OR2L13: variants seen among roughly 807,000 people sequenced by gnomAD.
OR2L13 encodes olfactory receptor family 2 subfamily L member 13.
OR2L13 carries 14 observed loss-of-function variants against 15.3 expected under a neutral mutation model. The ratio of observed to expected loss-of-function variants is 0.91; its 90% CI spans 0.60 to 1.43. The LOEUF (loss-of-function observed/expected upper bound fraction) is 1.43. Ranked by LOEUF, OR2L13 falls within the 40% of genes most tolerant of loss-of-function variation. The probability of loss-of-function intolerance (pLI) is 0.00; values close to 1 mark genes in which losing one functional copy is unlikely to be tolerated. For missense variants in OR2L13, 367 were observed against 387.9 expected (o/e 0.95, Z 0.45); for synonymous variants, 152 against 142.9 (o/e 1.06, Z -0.45).
the OR2L13 span, among the ~76,000 whole-genome samples, chr1:248,058,165 G>C: frequency 6.6e-6 from 1 of 152,104 alleles, no homozygotes; most frequent in Non-Finnish European, 1.5e-5. Context: ...CATAGACATG[G>C]TCTCAGCAGA....
chr1:248,030,755 T>C, the OR2L13 span, among the ~76,000 whole-genome samples: 1 of 152,162 alleles, frequency 6.6e-6, no homozygotes, highest in Non-Finnish European at 1.5e-5. Context: ...GGTGGTGATG[T>C]CAATGTAAAG....
the OR2L13 span, among the ~76,000 whole-genome samples, chr1:247,984,995 C>T: frequency 9.3e-4 from 142 of 152,266 alleles, no homozygotes; most frequent in African/African-American, 3.3e-3. Context: ...TTTGCCTCTT[C>T]ATGGCTTATT....
the OR2L13 span, among the ~76,000 whole-genome samples, chr1:248,020,890 TG>T: frequency 2.6e-5 from 4 of 151,446 alleles, no homozygotes; most frequent in Non-Finnish European, 4.4e-5. Flanking sequence ...TATGTATATA[TG>T]GGACCAACAT....
At chr1:247,958,975 T>A in the OR2L13 span, among the ~76,000 whole-genome samples, 1 of 152,194 alleles carries the variant, frequency 6.6e-6, no homozygotes, top group East Asian at 1.9e-4. Context: ...GTGAATTTGA[T>A]CCTGTCATTA....
chr1:247,956,800 T>G, the OR2L13 span, among the ~76,000 whole-genome samples: 2 of 152,302 alleles, frequency 1.3e-5, no homozygotes, highest in African/African-American at 4.8e-5. Context: ...ATTTTGTATC[T>G]TGAGACTGTG....
At chr1:248,080,211 T>G in the OR2L13 span, among the ~76,000 whole-genome samples, 1 of 152,330 alleles carries the variant, frequency 6.6e-6, no homozygotes, top group East Asian at 1.9e-4. Context: ...TAAATCTGTA[T>G]TAATGTAAAT....
At chr1:247,988,793 C>T in the OR2L13 span, among the ~76,000 whole-genome samples, 1 of 152,122 alleles carries the variant, frequency 6.6e-6, no homozygotes, top group African/African-American at 2.4e-5. Context: ...TCCTTTTTTC[C>T]ATTTAAGTGA....
chr1:247,982,946 T>C, the OR2L13 span, among the ~76,000 whole-genome samples: 1 of 152,132 alleles, frequency 6.6e-6, no homozygotes, highest in African/African-American at 2.4e-5. Context: ...TCAGACTTAC[T>C]GCCTAAAAAT....
chr1:247,974,283 A>G, the OR2L13 span, among the ~76,000 whole-genome samples: 1 of 152,102 alleles, frequency 6.6e-6, no homozygotes, highest in Non-Finnish European at 1.5e-5. Flanking sequence ...GGGGGCCAAG[A>G]GGAGGGATAG....
chr1:248,000,364 C>T, the OR2L13 span, among the ~76,000 whole-genome samples: 1 of 152,240 alleles, frequency 6.6e-6, no homozygotes, highest in East Asian at 1.9e-4. Flanking sequence ...GAGTAACTCT[C>T]TTCAAATCCT....
the OR2L13 span, among the ~76,000 whole-genome samples, chr1:248,012,709 A>G: frequency 1.3e-5 from 2 of 152,140 alleles, no homozygotes; most frequent in African/African-American, 2.4e-5. Context: ...AATATACACT[A>G]CCTACCCTGA....
the OR2L13 span, among the ~76,000 whole-genome samples, chr1:247,968,972 G>C: frequency 3.3e-5 from 5 of 152,192 alleles, no homozygotes; most frequent in Non-Finnish European, 7.3e-5. Context: ...CAGTGTAAAA[G>C]TGTTCCTATT....
At chr1:248,042,337 A>C in the OR2L13 span, 1 of 117,466 alleles carries the variant, frequency 8.5e-6, no homozygotes, top group Admixed American at 1.2e-4. Context: ...GGGGAACATC[A>C]CACTCTGGGG....
the OR2L13 span, among the ~76,000 whole-genome samples, chr1:248,080,883 C>G: frequency 6.6e-6 from 1 of 152,164 alleles, no homozygotes; most frequent in East Asian, 1.9e-4. Context: ...ACTTTACACT[C>G]CCAACAACAG....
the OR2L13 span, among the ~76,000 whole-genome samples, chr1:247,982,045 G>C: frequency 1.3e-5 from 2 of 152,146 alleles, no homozygotes; most frequent in African/African-American, 4.8e-5. Context: ...TCAATCTCCT[G>C]ACCTCGTGAT....
chr1:247,948,824 T>C, the OR2L13 span: 109 of 1,536,068 alleles, frequency 7.1e-5, 1 homozygote, highest in East Asian at 1.9e-3. Flanking sequence ...ATTACTCTTG[T>C]GTCTCCCTTC....
the OR2L13 span, among the ~76,000 whole-genome samples, chr1:247,961,556 G>A: frequency 0.8 from 122,225 of 152,144 alleles, 53,020 homozygotes; most frequent in South Asian, 0.95. Context: ...TCCGATGTCC[G>A]GTTCAGATGG....
chr1:248,067,248 A>T, the OR2L13 span, among the ~76,000 whole-genome samples: 1 of 152,202 alleles, frequency 6.6e-6, no homozygotes, highest in South Asian at 2.1e-4. Context: ...AGAACTGTCT[A>T]CTTTTACATA....
chr1:247,960,407 AGTCT>A, the OR2L13 span, among the ~76,000 whole-genome samples: 1 of 152,216 alleles, frequency 6.6e-6, no homozygotes, highest in Admixed American at 6.5e-5. Flanking sequence ...TTGAGGAGGC[AGTCT>A]GTCTGTTCTC....
Sources: gnomAD v4.1 joint callset for allele counts (sites outside exome capture counted in the v4.1 genomes callset) on GRCh38, gnomAD v4.1.1 for gene constraint, MANE v1.5 for transcripts, NCBI Gene and HGNC (gene_info 2026-07-23, HGNC 2026-07-21) for gene names.